MXRA8: variants seen among roughly 807,000 people sequenced by gnomAD.
MXRA8 encodes the protein matrix remodeling associated 8, also known as matrix remodeling-associated protein 8.
Under a neutral mutation model 51.4 loss-of-function variants are expected in MXRA8, and 44 were observed. That is an observed-to-expected ratio of 0.86 (90% CI 0.67 to 1.10). The LOEUF (loss-of-function observed/expected upper bound fraction) is 1.10, where lower values mean the gene tolerates loss of function less well. MXRA8 is among the 50% of genes least tolerant of loss of function. The probability of loss-of-function intolerance (pLI) is 0.00; values close to 1 mark genes in which losing one functional copy is unlikely to be tolerated. For missense variants in MXRA8, 765 were observed against 638.9 expected (o/e 1.20, Z -2.13); for synonymous variants, 369 against 293.5 (o/e 1.26, Z -2.63).
upstream of MXRA8, chr1:1,358,573 C>T: frequency 1.3e-6 from 2 of 1,561,282 alleles, no homozygotes; most frequent in Admixed American, 1.9e-5. Context: ...CAGCCCTACC[C>T]CCTCCCCCTC....
Position 1,354,476 on chromosome 1 carries a change from T to C in MXRA8, c.983A>G (p.Asn328Ser). The change falls in exon 6 of 10, where the codon AAT becomes AGT. Residue 328 changes from asparagine to serine, a missense_variant. Asn to Ser is a conservative substitution (Grantham distance 46). Transcript: ENST00000309212. ...GGCTCGGCTCTCGGGGACGATGACA[T>C]TGATGACGTTGTGGCCGCGCGCCAG... The part of the protein sequence containing the change: ...PTLARGHNVI[N>S]VIVPESRAHF... 1 of 1,612,312 alleles carries C rather than the reference T, an allele frequency of 6.2e-7. No individual in the cohort carries two copies. The highest frequency in any genetic ancestry group is 8.5e-7 in the Non-Finnish European group (1 of 1,179,778).
chr1:1,354,662 C>A lies in MXRA8; in HGVS notation c.949+20G>T, dbSNP rs778869249. ...GGGGTGGGCTCCCGCCTTCCCGGGT[C>A]CCAGGGAGGCCTCCTTCACCTGGGC... On this transcript the variant is annotated intron_variant, in intron 5 of 9. Transcript: ENST00000309212. 6 of 1,550,236 alleles carry A rather than the reference C, an allele frequency of 3.9e-6. No individual in the cohort carries two copies. Among genetic ancestry groups the A allele is most frequent in the South Asian group, 1.2e-5 (1 of 83,688 alleles).
chr1:1,361,767 C>T (rs190024542), upstream of MXRA8: 391 of 167,166 alleles, frequency 2.3e-3, 1 homozygote, highest in Non-Finnish European at 4.1e-3. Context: ...GGAAACACCG[C>T]CAGCCTTCTT....
chr1:1,354,785 G>T lies in MXRA8; in HGVS notation c.846C>A (p.His282Gln). 6.2e-7 allele frequency: 1 copy of T among 1,612,118 alleles called. No individual in the cohort carries two copies. The highest frequency in any genetic ancestry group is 8.5e-7 in the Non-Finnish European group (1 of 1,179,658). The stretch of plus-strand genomic sequence containing the variant: ...CCGTCAGGTGGAAGACGCGGCGTTC[G>T]TGCAGGCCACAGTAATGGTGGTGCA... ...CHLHHHYCGLHERRVFHLTVA... is the reference protein window; with the variant it reads ...CHLHHHYCGLQERRVFHLTVA... Residue 282 changes from histidine to glutamine, a missense_variant, in exon 5 of 10, where the codon CAC (histidine) becomes CAA (glutamine). Transcript: ENST00000309212.
intron 1 of MXRA8, among the ~76,000 whole-genome samples, 167 bp downstream of exon 1, chr1:1,358,289 A>G (rs572792534): frequency 8.9e-4 from 135 of 152,324 alleles, no homozygotes; most frequent in Middle Eastern, 3.4e-3. Context: ...TGAAGACGTC[A>G]CAGCCTCTGG....
At position 1,355,687 on chromosome 1, in the gene MXRA8, C is replaced by T; in HGVS notation, c.139G>A (p.Gly47Ser). 4 of 1,351,740 alleles carry T rather than the reference C, an allele frequency of 3.0e-6. No homozygotes were observed. Among genetic ancestry groups the T allele is most frequent in the Non-Finnish European group, 1.9e-6 (2 of 1,058,322 alleles). The allele number at this position is 1,351,740 out of a possible 1,614,324, so 83.7% of individuals were successfully genotyped here. The part of the protein sequence containing the change: ...VSESAVSWEA[G>S]ARAVLRCQSP... ...TGGCAGCGCAGCACCGCCCGGGCGCCCGCCTCCCAGCTCACCGCGGACTCG... is the reference window on the plus strand; with the variant it reads ...TGGCAGCGCAGCACCGCCCGGGCGCTCGCCTCCCAGCTCACCGCGGACTCG... The change falls in exon 3 of 10, where the codon GGC becomes AGC. Residue 47 changes from glycine (G) to serine (S), a missense_variant. Gly to Ser is a moderately conservative substitution (Grantham distance 56). Transcript: ENST00000309212.
upstream of MXRA8, among the ~76,000 whole-genome samples, chr1:1,359,723 C>T (rs768009153): frequency 4.9e-4 from 67 of 136,184 alleles, no homozygotes; most frequent in Non-Finnish European, 8.7e-4. Flanking sequence ...GACCCCACCC[C>T]ACCCCAGCCC....
upstream of MXRA8, chr1:1,359,101 T>A: frequency 1.0e-6 from 1 of 985,420 alleles, no homozygotes; most frequent in Non-Finnish European, 1.2e-6. Context: ...GTGGGCTCCC[T>A]TGGGCCAGGA....
rs1644038907 is a variant in MXRA8 at position 1,353,243 on chromosome 1, G to A, written c.*361C>T. On this transcript the variant is annotated 3_prime_UTR_variant, in exon 10 of 10. Transcript: ENST00000309212. ...TGGAGGAGTGGGACTCCTGCCCTGAGGCTGACCCCAGTTTTGGGGCTGCCA... is the reference window on the plus strand; with the variant it reads ...TGGAGGAGTGGGACTCCTGCCCTGAAGCTGACCCCAGTTTTGGGGCTGCCA... 16 of 1,478,392 alleles carry A rather than the reference G, an allele frequency of 1.1e-5. 1 individual carries two copies. The highest frequency in any genetic ancestry group is 2.4e-5 in the South Asian group (2 of 82,628). The allele number at this position is 1,478,392 out of a possible 1,614,324, so 91.6% of individuals were successfully genotyped here.
At chr1:1,357,204 C>G (rs1030271055) in intron 1 of MXRA8, among the ~76,000 whole-genome samples, 1 of 152,226 alleles carries the variant, frequency 6.6e-6, no homozygotes, top group Non-Finnish European at 1.5e-5. Context: ...CCCCGGCTGC[C>G]GCCCCACAGG....
At chr1:1,355,842 G>T (rs561795814) in intron 2 of MXRA8, 90 bp from the exon 3 acceptor site, 12 of 845,838 alleles carry the variant, frequency 1.4e-5, no homozygotes, top group Admixed American at 4.9e-5. Flanking sequence ...GGGCCCTGGT[G>T]GGGGAGGGAT....
At chr1:1,358,878 GC>G, upstream of MXRA8, 1 of 1,022,862 alleles carries the variant, frequency 9.8e-7, no homozygotes, top group Non-Finnish European at 1.2e-6. Flanking sequence ...TGGGTGAGTG[GC>G]CCCTCCGCCC....
upstream of MXRA8, among the ~76,000 whole-genome samples, chr1:1,359,917 G>A (rs749879521): frequency 3.9e-5 from 6 of 152,174 alleles, no homozygotes; most frequent in South Asian, 2.1e-4. Context: ...CAACTGGTTT[G>A]TATTAGTGCT....
At chr1:1,358,569 T>C, upstream of MXRA8, 3 of 1,573,714 alleles carry the variant, frequency 1.9e-6, no homozygotes, top group Non-Finnish European at 8.6e-7. Flanking sequence ...AAAACAGCCC[T>C]ACCCCCTCCC....
In MXRA8 at chr1:1,353,190, A is replaced by T; in HGVS notation, c.*414T>A. On this transcript the variant is annotated 3_prime_UTR_variant, in exon 10 of 10. Transcript: ENST00000309212. Reference sequence around the variant, plus strand: ...GATGGGAGTGTCCTCCTCCAGGAACATCTCCCAGCCCCCGACGAGCAGAGC... The same window carrying T: ...GATGGGAGTGTCCTCCTCCAGGAACTTCTCCCAGCCCCCGACGAGCAGAGC... 1 of 1,171,800 alleles carries T rather than the reference A, an allele frequency of 8.5e-7. No homozygotes were observed. 72.6% of individuals were successfully genotyped at this position (1,171,800 alleles called of 1,614,324 possible).
At chr1:1,360,015 C>T (rs1644200798), upstream of MXRA8, among the ~76,000 whole-genome samples, 1 of 152,244 alleles carries the variant, frequency 6.6e-6, no homozygotes, top group African/African-American at 2.4e-5. Flanking sequence ...GTCACTCTCC[C>T]TGTTCCCTCT....
In MXRA8 at chr1:1,354,089, G is replaced by C; in HGVS notation, c.1163C>G (p.Ala388Gly). The C allele has an allele frequency of 6.2e-7, 1 of 1,612,964 alleles. No individual in the cohort carries two copies. Among genetic ancestry groups the C allele is most frequent in the African/African-American group, 1.3e-5 (1 of 75,052 alleles). Residue 388 changes from alanine (A) to glycine (G), a missense_variant, in exon 8 of 10, where the codon GCG becomes GGG. Ala to Gly is a moderately conservative substitution (Grantham distance 60, BLOSUM62 0). Transcript: ENST00000309212. ...GTCCCCTGCAGCCACAGCGAACTCC[G>C]CCAAGTTAACATCCTTCCTGGATGG... ...GKSKGKDVNL[A>G]EFAVAAGDQM...
chr1:1,354,122 GGGA>G lies in MXRA8; in HGVS notation c.1146-19_1146-17del, dbSNP rs1484710715. 6.8e-6 allele frequency: 11 copies of G among 1,612,788 alleles called. No individual in the cohort carries two copies. The highest frequency in any genetic ancestry group is 1.7e-5 in the Admixed American group (1 of 60,008). On this transcript the variant is annotated splice_polypyrimidine_tract_variant and intron_variant, in intron 7 of 9. Transcript: ENST00000309212. ...AACATCCTTCCTGGATGGCGAGGGT[GGGA>G]GGAGGTTACAGCTGGGTGGGGTGAA...
chr1:1,357,581 T>G (rs1428320497), intron 1 of MXRA8, among the ~76,000 whole-genome samples: 1 of 152,082 alleles, frequency 6.6e-6, no homozygotes, highest in African/African-American at 2.4e-5. Context: ...CCAAGGCAGG[T>G]GGATCACCTG....
Sources: allele counts gnomAD v4.1 joint callset (sites outside exome capture counted in the v4.1 genomes callset), GRCh38; gene constraint gnomAD v4.1.1; transcripts MANE v1.5; gene names NCBI Gene and HGNC (gene_info 2026-07-23, HGNC 2026-07-21).